Variants in CEP350 observed in about 807,000 individuals in gnomAD.
CEP350 encodes centrosomal protein 350, also known as centrosome-associated protein 350.
A neutral mutation model predicts 331.8 loss-of-function variants in CEP350; 126 were observed. The observed-to-expected ratio is 0.38, with a 90% CI of 0.33 to 0.44. The LOEUF is 0.44. Ranked by LOEUF, CEP350 falls within the 20% of genes least tolerant of loss-of-function variation. The pLI is 1.00. For missense variants in CEP350, 3,406 were observed against 3,634.6 expected (o/e 0.94, Z 1.62); for synonymous variants, 1,200 against 1,259.5 (o/e 0.95, Z 1.00).
chr1:180,101,164 G>C (rs1287301990), intron 37 of CEP350, among the ~76,000 whole-genome samples: 1 of 152,128 alleles, frequency 6.6e-6, no homozygotes, highest in East Asian at 1.9e-4. Context: ...TTAGCAACTG[G>C]TAAACAATAA....
chr1:180,083,792 ATAG>A (rs930398842), intron 30 of CEP350, among the ~76,000 whole-genome samples: 2 of 152,148 alleles, frequency 1.3e-5, no homozygotes. Flanking sequence ...GTGAAAATAA[ATAG>A]GAGGAACCAA....
In CEP350 at chr1:179,997,163, C is replaced by A. The variant is rs773854618; in HGVS notation, c.1006C>A (p.Pro336Thr). ...AAAAGTGGCAACAGCACCACCTGCTCCAGCATATAAAGGTTTGTAATCAGT... is the reference window on the plus strand; with the variant it reads ...AAAAGTGGCAACAGCACCACCTGCTACAGCATATAAAGGTTTGTAATCAGT... ...VRKVATAPPA[P>T]AYKGFNPSET... Residue 336 changes from proline (P) to threonine (T), a missense_variant, in exon 6 of 38, where the codon CCA becomes ACA. By Grantham distance (38) the Pro-to-Thr change is conservative. Around this residue, in one of 5 missense-constraint regions of CEP350, gnomAD observed 1,857 missense variants for 1,909.2 expected, o/e 0.97. Transcript: ENST00000367607. 2 of 1,612,822 alleles carry A rather than the reference C, an allele frequency of 1.2e-6. No homozygotes were observed. The highest frequency in any genetic ancestry group is 1.1e-5 in the South Asian group (1 of 90,966).
At chr1:180,006,975 T>G (rs1024464966) in intron 8 of CEP350, among the ~76,000 whole-genome samples, 1 of 152,224 alleles carries the variant, frequency 6.6e-6, no homozygotes, top group Non-Finnish European at 1.5e-5. Context: ...TTCCATGCTA[T>G]GTATGTGTCA....
intron 1 of CEP350, among the ~76,000 whole-genome samples, chr1:179,985,232 T>C (rs937050135): frequency 2.5e-4 from 38 of 152,238 alleles, no homozygotes; most frequent in Non-Finnish European, 3.5e-4. Flanking sequence ...GACTGTCTCA[T>C]GTAAGTGGCA....
In CEP350 at chr1:180,094,206, A is replaced by C; in HGVS notation, c.8101A>C (p.Thr2701Pro). ...AGAATTGGAGAAGCAACAGCAGTTT[A>C]CAGAAGAGGAAGACAACCTATATGC... ...SEELEKQQQF[T>P]EEEDNLYAEA... Residue 2701 changes from threonine to proline, a missense_variant, in exon 34 of 38, where the codon ACA becomes CCA. By Grantham distance (38) the Thr-to-Pro change is conservative (BLOSUM62 -1). Coordinates refer to ENST00000367607, the MANE Select transcript of CEP350 (RefSeq NM_014810.5). 6.2e-7 allele frequency: 1 copy of C among 1,613,402 alleles called. No homozygotes were observed. The highest frequency in any genetic ancestry group is 2.2e-5 in the East Asian group (1 of 44,872).
intron 7 of CEP350, among the ~76,000 whole-genome samples, chr1:180,004,888 TTGCTTGCTTGCTTGCTTG>T (rs1558093006): frequency 3.8e-4 from 21 of 55,836 alleles, no homozygotes; most frequent in African/African-American, 1.1e-3. Context: ...GCTTGCTTGC[TTGCTTGCTTGCTTGCTTG>T]CTTTCTTTCT....
intron 14 of CEP350, among the ~76,000 whole-genome samples, chr1:180,026,751 G>A (rs994963928): frequency 1.3e-5 from 2 of 152,140 alleles, no homozygotes; most frequent in Admixed American, 1.3e-4. Flanking sequence ...ATTTCACTTA[G>A]CATAATATCT....
intron 15 of CEP350, among the ~76,000 whole-genome samples, chr1:180,033,081 A>G (rs1180817935): frequency 2.0e-5 from 3 of 152,148 alleles, no homozygotes; most frequent in Non-Finnish European, 4.4e-5. Context: ...GTTTCAGTAT[A>G]TTGGCAATAT....
chr1:180,093,984 GT>G lies in CEP350; in HGVS notation c.7881del (p.Asn2628IlefsTer8). On this transcript the variant is annotated frameshift_variant, in exon 34 of 38. Coordinates refer to ENST00000367607, the MANE Select transcript of CEP350 (RefSeq NM_014810.5). LOFTEE classifies it high-confidence loss of function. Reference protein sequence around the residue: ...LPSVNDIEASVNRSRSLKIET... With the variant: ...LPSVNDIEASXNRSRSLKIET... Reference sequence around the variant, plus strand: ...TAGTGTGAATGATATAGAAGCCTCAGTTAATAGAAGTAGAAGCCTTAAAATA... The same window carrying G: ...TAGTGTGAATGATATAGAAGCCTCAGTAATAGAAGTAGAAGCCTTAAAATA... 6.2e-7 allele frequency: 1 copy of G among 1,613,852 alleles called. No individual in the cohort carries two copies. The highest frequency in any genetic ancestry group is 8.5e-7 in the Non-Finnish European group (1 of 1,179,816).
intron 3 of CEP350, among the ~76,000 whole-genome samples, chr1:179,989,172 G>A (rs1443735526): frequency 6.6e-6 from 1 of 151,860 alleles, no homozygotes; most frequent in Non-Finnish European, 1.5e-5. Flanking sequence ...CTGAAGGAAG[G>A]CTGGGCGCAG....
intron 32 of CEP350, among the ~76,000 whole-genome samples, chr1:180,090,423 G>A (rs972807554): frequency 2.6e-5 from 4 of 151,094 alleles, no homozygotes; most frequent in Middle Eastern, 3.4e-3. Context: ...GCGGGCGCCT[G>A]TAGTCCCAGC....
At chr1:180,004,514 C>G (rs1445101242) in intron 7 of CEP350, among the ~76,000 whole-genome samples, 1 of 152,188 alleles carries the variant, frequency 6.6e-6, no homozygotes, top group East Asian at 1.9e-4. Context: ...CCTTACTTTT[C>G]TCCAGCTGCT....
intron 6 of CEP350, 105 bp downstream of exon 6, chr1:179,997,280 C>T (rs1430153339): frequency 7.5e-7 from 1 of 1,341,048 alleles, no homozygotes; most frequent in African/African-American, 1.5e-5. Context: ...GGATGTTATT[C>T]TTGACTGCAT....
chr1:180,075,045 A>T lies in CEP350; in HGVS notation c.5591A>T (p.Lys1864Ile). The T allele has an allele frequency of 6.2e-7, 1 of 1,611,846 alleles. No individual in the cohort carries two copies. Among genetic ancestry groups the T allele is most frequent in the Non-Finnish European group, 8.5e-7 (1 of 1,179,032 alleles). The change falls in exon 28 of 38, where the codon AAA (lysine) becomes ATA (isoleucine). Residue 1864 changes from lysine to isoleucine, a missense_variant. Lys to Ile is a moderately radical substitution (Grantham distance 102, BLOSUM62 -3). Around this residue, in one of 5 missense-constraint regions of CEP350, gnomAD observed 1,415 missense variants for 1,512.3 expected, o/e 0.94. Coordinates refer to ENST00000367607, the MANE Select transcript of CEP350 (RefSeq NM_014810.5). ...AGGTTTCTGACAAAGCGGGAGCAAAAATTAATGCAACGGCGACAACATGCA... is the reference window on the plus strand; with the variant it reads ...AGGTTTCTGACAAAGCGGGAGCAAATATTAATGCAACGGCGACAACATGCA... ...DEKFLTKREQKLMQRRQHAEE... is the reference protein window; with the variant it reads ...DEKFLTKREQILMQRRQHAEE...
intron 25 of CEP350, among the ~76,000 whole-genome samples, chr1:180,056,828 A>G (rs1427935489): frequency 6.6e-6 from 1 of 151,858 alleles, no homozygotes; most frequent in Non-Finnish European, 1.5e-5. Flanking sequence ...AGACCTTTTG[A>G]CCATTTGCCA....
chr1:179,962,487 G>A (rs1650708127), intron 1 of CEP350, among the ~76,000 whole-genome samples: 1 of 152,252 alleles, frequency 6.6e-6, no homozygotes, highest in East Asian at 1.9e-4. Context: ...TTGGCTCACT[G>A]CAACTTCCGC....
intron 1 of CEP350, among the ~76,000 whole-genome samples, chr1:179,958,632 G>C (rs1317315426): frequency 1.3e-5 from 2 of 152,108 alleles, no homozygotes; most frequent in African/African-American, 4.8e-5. Flanking sequence ...TGTGACTCTT[G>C]GCGAATTACT....
At chr1:179,989,230 A>G (rs759615625) in intron 3 of CEP350, among the ~76,000 whole-genome samples, 10 of 152,134 alleles carry the variant, frequency 6.6e-5, no homozygotes, top group South Asian at 2.1e-4. Context: ...AGGCACGTCA[A>G]TCACTTGAGC....
chr1:180,106,401 C>T (rs1011216886), intron 37 of CEP350, among the ~76,000 whole-genome samples: 2 of 152,116 alleles, frequency 1.3e-5, no homozygotes, highest in Non-Finnish European at 1.5e-5. Context: ...TTTCTACACC[C>T]TTTTGAAATA....
Sources: allele counts gnomAD v4.1 joint callset (sites outside exome capture counted in the v4.1 genomes callset), GRCh38; gene constraint gnomAD v4.1.1; regional missense constraint gnomAD v4.1.1; transcripts MANE v1.5; gene names NCBI Gene and HGNC (gene_info 2026-07-23, HGNC 2026-07-21).